Variants in ASIP observed in about 807,000 individuals in gnomAD.
The protein encoded by ASIP is agouti-signaling protein.
ASIP carries 11 observed loss-of-function variants against 10.3 expected under a neutral mutation model. That is an observed-to-expected ratio of 1.07 (90% confidence interval 0.68 to 1.78). The LOEUF is 1.78. Ranked by LOEUF, ASIP falls within the 40% of genes most tolerant of loss-of-function variation. ASIP has a pLI of 0.00. For missense variants in ASIP, 180 were observed against 169.2 expected (o/e 1.06, Z -0.35); for synonymous variants, 70 against 70.8 (o/e 0.99, Z 0.06).
At chr20:34,250,391 C>G (rs1422768094) in intron 1 of ASIP, among the ~76,000 whole-genome samples, 1 of 152,156 alleles carries the variant, frequency 6.6e-6, no homozygotes, top group Non-Finnish European at 1.5e-5. Flanking sequence ...AAAGGGGAGC[C>G]AGGTGCAGTG....
At chr20:34,191,695 C>T (rs542061960), upstream of ASIP, among the ~76,000 whole-genome samples, 8 of 150,320 alleles carry the variant, frequency 5.3e-5, no homozygotes, top group Admixed American at 4.0e-4. Context: ...CCTTCCTTCC[C>T]TCCCTCTTTC....
chr20:34,261,469 A>G (rs1415636389), intron 2 of ASIP, among the ~76,000 whole-genome samples: 1 of 152,208 alleles, frequency 6.6e-6, no homozygotes, highest in African/African-American at 2.4e-5. Context: ...CCCCGTCCCT[A>G]TTAAAAATAC....
intron 1 of ASIP, chr20:34,213,450 G>T: frequency 9.2e-7 from 1 of 1,089,340 alleles, no homozygotes; most frequent in Non-Finnish European, 1.3e-6. Context: ...TTGAGTCATA[G>T]GTAGAGACTG....
intron 1 of ASIP, among the ~76,000 whole-genome samples, chr20:34,257,977 C>G (rs1199206770): frequency 6.6e-6 from 1 of 152,030 alleles, no homozygotes. Flanking sequence ...AACCTTGTCT[C>G]TACAAAAAAT....
At chr20:34,222,994 G>C (rs1276330804) in intron 1 of ASIP, among the ~76,000 whole-genome samples, 14 of 152,074 alleles carry the variant, frequency 9.2e-5, no homozygotes, top group Admixed American at 5.9e-4. Context: ...ACACCTCCCA[G>C]CCACCTGCCT....
chr20:34,258,788 T>C (rs1373430519), intron 1 of ASIP, among the ~76,000 whole-genome samples: 1 of 112,500 alleles, frequency 8.9e-6, no homozygotes, highest in Non-Finnish European at 1.8e-5. Context: ...AGTATATATA[T>C]AGTGTATATA....
chr20:34,260,152 T>G (rs573756686), intron 1 of ASIP, among the ~76,000 whole-genome samples: 1 of 151,996 alleles, frequency 6.6e-6, no homozygotes. Context: ...CTTCTGTTCC[T>G]TGTCTTTCTC....
chr20:34,192,724 T>C (rs1433917052), upstream of ASIP, among the ~76,000 whole-genome samples: 2 of 152,212 alleles, frequency 1.3e-5, no homozygotes, highest in African/African-American at 4.8e-5. Flanking sequence ...CCTCATACCT[T>C]GTTGCCAAAG....
chr20:34,191,318 C>T (rs553297190), upstream of ASIP, among the ~76,000 whole-genome samples: 2 of 152,276 alleles, frequency 1.3e-5, no homozygotes, highest in East Asian at 3.9e-4. Context: ...TCACCCCTGG[C>T]GCTCTTTGCC....
intron 1 of ASIP, among the ~76,000 whole-genome samples, chr20:34,231,683 T>C (rs1159200935): frequency 1.3e-5 from 2 of 152,218 alleles, no homozygotes; most frequent in Admixed American, 1.3e-4. Flanking sequence ...TACCCAGTTT[T>C]TTAAATGAAC....
At chr20:34,223,704 C>A (rs1163763504) in intron 1 of ASIP, among the ~76,000 whole-genome samples, 1 of 144,868 alleles carries the variant, frequency 6.9e-6, no homozygotes, top group African/African-American at 2.6e-5. Context: ...GGCCACCACC[C>A]CGTCTGGGAG....
chr20:34,199,933 G>T (rs1253114589), intron 1 of ASIP, among the ~76,000 whole-genome samples: 1 of 152,098 alleles, frequency 6.6e-6, no homozygotes, highest in African/African-American at 2.4e-5. Flanking sequence ...CCCCCGTAAA[G>T]AACTGTATCC....
chr20:34,261,531 G>T (rs1201997110), intron 2 of ASIP, among the ~76,000 whole-genome samples: 1 of 152,200 alleles, frequency 6.6e-6, no homozygotes, highest in Non-Finnish European at 1.5e-5. Flanking sequence ...CTACTTGGGA[G>T]GCTGAGGCAG....
In ASIP at chr20:34,212,718, G is replaced by C. The variant is rs764158414; in HGVS notation, c.-11+17958G>C. Among the ~76,000 whole-genome samples, 147 of 152,212 alleles carry C rather than the reference G, an allele frequency of 9.7e-4. 2 individuals are homozygous for C. The highest frequency in any genetic ancestry group is 6.8e-3 in the Middle Eastern group (2 of 294). ...AAAAAAATTCTTCTTTTGTGTGATA[G>C]AATTATTTTAATTTTGAGTTTATCT... On this transcript the variant is annotated intron_variant, in intron 1 of 3. Transcript: ENST00000568305.
intron 1 of ASIP, among the ~76,000 whole-genome samples, chr20:34,213,263 T>C (rs1424113866): frequency 6.6e-6 from 1 of 152,220 alleles, no homozygotes; most frequent in African/African-American, 2.4e-5. Flanking sequence ...CCAGCCCTTC[T>C]ATCTTGGACT....
chr20:34,197,395 G>A (rs1020485157), intron 1 of ASIP, among the ~76,000 whole-genome samples: 4 of 152,148 alleles, frequency 2.6e-5, no homozygotes, highest in African/African-American at 9.7e-5. Context: ...GTACTAGACG[G>A]GATCCCAGGT....
At chr20:34,236,589 G>A (rs557031554), upstream of ASIP, among the ~76,000 whole-genome samples, 220 of 152,072 alleles carry the variant, frequency 1.4e-3, 1 homozygote, top group African/African-American at 4.9e-3. Flanking sequence ...AGTGGCTCAC[G>A]CCTGTAATCC....
chr20:34,225,603 A>C (rs1355404985), intron 1 of ASIP, among the ~76,000 whole-genome samples: 3 of 152,120 alleles, frequency 2.0e-5, no homozygotes, highest in Non-Finnish European at 4.4e-5. Flanking sequence ...AATTATGTTA[A>C]ATTTATGTAC....
At chr20:34,196,405 C>A (rs1333392803) in intron 1 of ASIP, among the ~76,000 whole-genome samples, 1 of 151,980 alleles carries the variant, frequency 6.6e-6, no homozygotes, top group Non-Finnish European at 1.5e-5. Context: ...GATCTCCTGA[C>A]CTCATGATCC....
Sources: allele counts gnomAD v4.1 joint callset (sites outside exome capture counted in the v4.1 genomes callset), GRCh38; gene constraint gnomAD v4.1.1; transcripts MANE v1.5; gene names NCBI Gene and HGNC (gene_info 2026-07-23, HGNC 2026-07-21).